PLD5: variants seen among roughly 807,000 people sequenced by gnomAD.
PLD5 encodes inactive phospholipase D5.
A neutral mutation model predicts 61.1 loss-of-function variants in PLD5; 36 were observed. The observed-to-expected ratio is 0.59, with a 90% confidence interval of 0.45 to 0.78. PLD5 has a LOEUF of 0.78. PLD5 is among the 30% of genes least tolerant of loss of function. PLD5 has a pLI of 0.00. For synonymous variants in PLD5, 243 were observed against 242.8 expected (o/e 1.00, Z -0.01); for missense variants, 515 against 644.4 (o/e 0.80, Z 2.17).
intron 1 of PLD5, among the ~76,000 whole-genome samples, chr1:242,448,646 G>A (rs2102920225): frequency 6.6e-6 from 1 of 152,260 alleles, no homozygotes; most frequent in East Asian, 1.9e-4. Context: ...GAGAGCAGAG[G>A]CCAAGAGATA....
At chr1:242,480,431 C>T (rs1352289256) in intron 1 of PLD5, among the ~76,000 whole-genome samples, 2 of 152,050 alleles carry the variant, frequency 1.3e-5, no homozygotes, top group Non-Finnish European at 2.9e-5. Flanking sequence ...GAAGGAGCAA[C>T]TTTGGGGTAG....
Position 242,239,935 on chromosome 1 carries a change from AAAAGTTAGCTGCATGCAG to A in PLD5, c.608-19838_608-19821del, listed in dbSNP as rs557109418. Among the ~76,000 whole-genome samples, 332 of 152,380 alleles carry A rather than the reference AAAAGTTAGCTGCATGCAG, an allele frequency of 2.2e-3. 1 individual carries two copies. The highest frequency in any genetic ancestry group is 7.7e-3 in the African/African-American group (322 of 41,596). On this transcript the variant is annotated intron_variant, in intron 4 of 9. Transcript: ENST00000536534. ...CAAATTTGTTTAACGAAGGGCTGCC[AAAAGTTAGCTGCATGCAG>A]CTTCTCCTGGTGTTTTGTTCGTGGC... is the stretch of plus-strand genomic sequence containing the variant.
chr1:242,279,555 G>C (rs1173389977), intron 3 of PLD5, among the ~76,000 whole-genome samples: 1 of 151,092 alleles, frequency 6.6e-6, no homozygotes, highest in South Asian at 2.1e-4. Context: ...TTTTTTTCGA[G>C]ACCGAGTCTT....
intron 1 of PLD5, among the ~76,000 whole-genome samples, chr1:242,395,092 AATAT>A: frequency 6.9e-6 from 1 of 144,698 alleles, no homozygotes; most frequent in South Asian, 2.1e-4. Context: ...TATATATATG[AATAT>A]ATATGTATGT....
intron 2 of PLD5, among the ~76,000 whole-genome samples, chr1:242,326,910 G>C (rs1486791336): frequency 6.6e-6 from 1 of 151,756 alleles, no homozygotes; most frequent in African/African-American, 2.4e-5. Flanking sequence ...CTGTTGCCCA[G>C]GCTGGAGTGC....
chr1:242,268,256 G>A (rs531644971), intron 3 of PLD5, among the ~76,000 whole-genome samples: 1 of 152,074 alleles, frequency 6.6e-6, no homozygotes, highest in South Asian at 2.1e-4. Flanking sequence ...GTCATCTCAC[G>A]TTCACGTAAG....
chr1:242,380,327 T>C (rs1385293130), intron 1 of PLD5, among the ~76,000 whole-genome samples: 1 of 152,188 alleles, frequency 6.6e-6, no homozygotes, highest in East Asian at 1.9e-4. Flanking sequence ...CAACACCGCA[T>C]AGCTATTGTG....
At chr1:242,269,069 C>G (rs577063365) in intron 3 of PLD5, among the ~76,000 whole-genome samples, 2 of 152,238 alleles carry the variant, frequency 1.3e-5, no homozygotes, top group Admixed American at 1.3e-4. Context: ...TCTTGAACTC[C>G]TAACTTGAGG....
intron 1 of PLD5, among the ~76,000 whole-genome samples, chr1:242,430,990 C>T (rs1437429411): frequency 6.6e-6 from 1 of 152,196 alleles, no homozygotes; most frequent in Non-Finnish European, 1.5e-5. Flanking sequence ...TTCCTGAACC[C>T]AGCATCTCCT....
intron 2 of PLD5, among the ~76,000 whole-genome samples, chr1:242,314,532 G>A (rs6699370): frequency 0.02 from 3,065 of 152,226 alleles, 113 homozygotes; most frequent in African/African-American, 0.07. Flanking sequence ...CCTTCTCTCC[G>A]AACTAGGGCT....
chr1:242,122,262 G>A (rs1662441338), intron 6 of PLD5, among the ~76,000 whole-genome samples: 1 of 151,862 alleles, frequency 6.6e-6, no homozygotes, highest in Non-Finnish European at 1.5e-5. Flanking sequence ...ACTCTCTCTG[G>A]GAAATACATT....
intron 5 of PLD5, among the ~76,000 whole-genome samples, chr1:242,182,526 C>A (rs1026488153): frequency 3.3e-5 from 5 of 152,120 alleles, no homozygotes; most frequent in South Asian, 4.1e-4. Context: ...TTCCCAAATA[C>A]AATCAAGGGC....
rs1662813518 is a variant in PLD5, at chr1:242,126,708, TA to T, written c.736-2044del. ...CTAAGACCTGAAACCACAAAGATTC[TA>T]GAACATAACACTGGAAAAACCCTTC... On this transcript the variant is annotated intron_variant, in intron 5 of 9. Transcript: ENST00000536534. Among the ~76,000 whole-genome samples the T allele has an allele frequency of 2.0e-5, 3 of 152,144 alleles. No individual in the cohort carries two copies. In the South Asian group the frequency reaches 6.2e-4, roughly 31 times the overall value.
intron 4 of PLD5, among the ~76,000 whole-genome samples, chr1:242,237,102 A>G (rs987042034): frequency 6.6e-6 from 1 of 152,250 alleles, no homozygotes; most frequent in Non-Finnish European, 1.5e-5. Context: ...ACTGCAGCTC[A>G]GGGGAATTCT....
intron 1 of PLD5, among the ~76,000 whole-genome samples, chr1:242,412,225 AG>A (rs1386015480): frequency 6.6e-6 from 1 of 152,160 alleles, no homozygotes; most frequent in Non-Finnish European, 1.5e-5. Context: ...TTAGTAAGGG[AG>A]GGGGCATAAT....
chr1:242,367,102 C>A (rs1031565395), intron 1 of PLD5, among the ~76,000 whole-genome samples: 1 of 151,796 alleles, frequency 6.6e-6, no homozygotes, highest in Non-Finnish European at 1.5e-5. Context: ...GAGCACAGAG[C>A]CCTACTCTAC....
intron 1 of PLD5, among the ~76,000 whole-genome samples, chr1:242,498,302 A>G (rs1290098253): frequency 6.6e-6 from 1 of 152,234 alleles, no homozygotes; most frequent in African/African-American, 2.4e-5. Flanking sequence ...TGCTGATTGT[A>G]GAACTTTTTA....
At chr1:242,500,114 G>A (rs1161378346) in intron 1 of PLD5, among the ~76,000 whole-genome samples, 1 of 152,178 alleles carries the variant, frequency 6.6e-6, no homozygotes, top group African/African-American at 2.4e-5. Context: ...AGCCTTGGAT[G>A]TCACATAGTG....
At chr1:242,133,481 T>G (rs181795805) in intron 5 of PLD5, among the ~76,000 whole-genome samples, 5 of 152,340 alleles carry the variant, frequency 3.3e-5, no homozygotes, top group Non-Finnish European at 1.5e-5. Flanking sequence ...TGTTTGCGCA[T>G]TTTGTCCAAT....
Sources: gnomAD v4.1 joint callset for allele counts (sites outside exome capture counted in the v4.1 genomes callset) on GRCh38, gnomAD v4.1.1 for gene constraint, MANE v1.5 for transcripts, NCBI Gene and HGNC (gene_info 2026-07-23, HGNC 2026-07-21) for gene names.